The following MAGEC3 variants were observed in gnomAD, a reference collection of about 807,000 sequenced individuals.
The protein encoded by MAGEC3 is MAGE family member C3, also known as melanoma-associated antigen C3.
MAGEC3 carries 34 observed loss-of-function variants against 35.3 expected under a neutral mutation model. The ratio of observed to expected loss-of-function variants is 0.96; its 90% CI spans 0.73 to 1.28. The LOEUF (loss-of-function observed/expected upper bound fraction) is 1.28. MAGEC3 is among the 50% of genes most tolerant of loss of function. The pLI, the probability that MAGEC3 is intolerant of heterozygous loss-of-function variation, is 0.00. For missense variants in MAGEC3, 561 were observed against 483.6 expected, an observed-to-expected ratio of 1.16 and a Z score of -1.50; for synonymous variants, 202 against 185.6, an observed-to-expected ratio of 1.09 and a Z score of -0.72.
intron 1 of MAGEC3, among the ~76,000 whole-genome samples, chrX:141,841,384 T>C (rs2017684699): frequency 8.9e-6 from 1 of 112,060 alleles, no homozygotes; most frequent in South Asian, 3.7e-4. Context: ...TAGTCCCTAG[T>C]ACTTGATCAA....
intron 1 of MAGEC3, among the ~76,000 whole-genome samples, chrX:141,848,489 C>G (rs927498812): frequency 5.4e-5 from 6 of 110,703 alleles, no homozygotes; most frequent in Admixed American, 9.6e-5. Flanking sequence ...AAATAACATC[C>G]AGGCTGAGAG....
intron 1 of MAGEC3, among the ~76,000 whole-genome samples, chrX:141,850,943 A>G (rs1473395569): frequency 1.8e-5 from 2 of 111,251 alleles, no homozygotes; most frequent in Non-Finnish European, 3.8e-5. Flanking sequence ...TTGAATTTCT[A>G]ATGAAAAAGC....
chrX:141,871,036 A>C (rs1198750867), intron 2 of MAGEC3, among the ~76,000 whole-genome samples: 1 of 112,670 alleles, frequency 8.9e-6, no homozygotes, highest in Non-Finnish European at 1.9e-5. Flanking sequence ...AGGTACCACA[A>C]CTTTTATTTT....
intron 2 of MAGEC3, among the ~76,000 whole-genome samples, chrX:141,867,308 A>G (rs935679037): frequency 8.9e-6 from 1 of 111,850 alleles, no homozygotes; most frequent in Non-Finnish European, 1.9e-5. Flanking sequence ...CAGTAAAACA[A>G]TGGGCCTTAA....
intron 4 of MAGEC3, 48 bp downstream of exon 4, chrX:141,881,844 T>C (rs1299264431): frequency 4.2e-6 from 5 of 1,204,383 alleles, no homozygotes; most frequent in Non-Finnish European, 5.6e-6. Context: ...CCAGGGAGCT[T>C]GTCACTAAAG....
At chrX:141,853,706 A>G (rs974718615) in intron 1 of MAGEC3, among the ~76,000 whole-genome samples, 2 of 111,586 alleles carry the variant, frequency 1.8e-5, no homozygotes, top group Middle Eastern at 4.2e-3. Context: ...ATTTTAAAAA[A>G]TCATGCAGGG....
At chrX:141,847,524 A>T (rs766829834) in intron 1 of MAGEC3, among the ~76,000 whole-genome samples, 9 of 111,750 alleles carry the variant, frequency 8.1e-5, no homozygotes, top group African/African-American at 2.9e-4. Flanking sequence ...TATGTTCTCC[A>T]AAACAATGAA....
chrX:141,883,062 GGAGTCTCC>G (rs1434435895), intron 4 of MAGEC3, among the ~76,000 whole-genome samples: 1 of 111,788 alleles, frequency 8.9e-6, no homozygotes, highest in African/African-American at 3.3e-5. Flanking sequence ...GAGGGAGAGA[GGAGTCTCC>G]ATGTGGGGAA....
chrX:141,853,569 T>A (rs1383940405), intron 1 of MAGEC3, among the ~76,000 whole-genome samples: 1 of 112,131 alleles, frequency 8.9e-6, no homozygotes, highest in African/African-American at 3.2e-5. Flanking sequence ...ATTATATTTT[T>A]CTGCTAAATT....
At chrX:141,895,074 TAAG>T (rs1366852574) in intron 4 of MAGEC3, among the ~76,000 whole-genome samples, 192 bp from the exon 5 acceptor site, 31 of 56,775 alleles carry the variant, frequency 5.5e-4, no homozygotes, top group African/African-American at 2.4e-3. Flanking sequence ...AGGTGGGCAT[TAAG>T]GAGAGGAAGG....
At chrX:141,876,147 C>G (rs13441192) in intron 2 of MAGEC3, among the ~76,000 whole-genome samples, 3,159 of 111,941 alleles carry the variant, frequency 0.028, 103 homozygotes, top group African/African-American at 0.097. Context: ...CCTCTATTCC[C>G]ATCACATTTG....
chrX:141,865,659 TTTAGCCCTGCCCTCCCTGTGCTG>T, intron 2 of MAGEC3, 54 bp downstream of exon 2: 1 of 1,131,768 alleles, frequency 8.8e-7, no homozygotes, highest in South Asian at 2.3e-5. Context: ...TATAGGGAGT[TTTAGCCCTGCCCTCCCTGTGCTG>T]TTAGCCCTGG....
chrX:141,861,196 A>T (rs376785616), intron 1 of MAGEC3, among the ~76,000 whole-genome samples: 15 of 111,062 alleles, frequency 1.4e-4, no homozygotes, highest in African/African-American at 4.6e-4. Context: ...CTGAATTGAA[A>T]GGGTATTAAA....
At position 141,895,568 on chromosome X, in the gene MAGEC3, C is replaced by T. The variant is rs758231910; in HGVS notation, c.1123+9C>T. The T allele has an allele frequency of 3.5e-5, 42 of 1,189,232 alleles. No individual in the cohort carries two copies. Among genetic ancestry groups the T allele is most frequent in the Non-Finnish European group, 4.4e-5 (39 of 884,298 alleles). ...ACAGAAGAAGGGAGGAGGTGCCAGC[C>T]CTCTAGGGAATAAATAGGAAGACAT... On this transcript the variant is annotated intron_variant, in intron 6 of 7. Coordinates refer to ENST00000298296, the MANE Select transcript of MAGEC3 (RefSeq NM_138702.1).
intron 1 of MAGEC3, among the ~76,000 whole-genome samples, chrX:141,853,093 G>A (rs1030395306): frequency 9.0e-6 from 1 of 111,269 alleles, no homozygotes; most frequent in Non-Finnish European, 1.9e-5. Context: ...TTTATTACAG[G>A]TCTATTCAGA....
intron 1 of MAGEC3, among the ~76,000 whole-genome samples, chrX:141,853,662 T>G (rs947271523): frequency 1.8e-5 from 2 of 111,158 alleles, no homozygotes; most frequent in African/African-American, 3.3e-5. Flanking sequence ...AGGTGGCACA[T>G]AAGAAAAGTG....
At chrX:141,895,611 A>AC (rs778150850) in intron 6 of MAGEC3, 52 bp downstream of exon 6, 33 of 1,096,674 alleles carry the variant, frequency 3.0e-5, no homozygotes, top group Middle Eastern at 3.5e-4. Context: ...GACTGGGGGA[A>AC]CCCCCACCTC....
chrX:141,864,804 A>G (rs1444407731), intron 1 of MAGEC3, among the ~76,000 whole-genome samples: 3 of 111,923 alleles, frequency 2.7e-5, no homozygotes, highest in Non-Finnish European at 5.6e-5. Flanking sequence ...AGTCTGGGGG[A>G]AATAAAAGAA....
At chrX:141,880,098 G>A (rs1262573371) in intron 3 of MAGEC3, among the ~76,000 whole-genome samples, 2 of 111,614 alleles carry the variant, frequency 1.8e-5, no homozygotes, top group Middle Eastern at 4.6e-3. Context: ...GAAGGCCTTG[G>A]TCTGAGGGTC....
Sources: allele counts gnomAD v4.1 joint callset (sites outside exome capture counted in the v4.1 genomes callset), GRCh38; gene constraint gnomAD v4.1.1; transcripts MANE v1.5; gene names NCBI Gene and HGNC (gene_info 2026-07-23, HGNC 2026-07-21).